Variants in PDS5A observed in about 807,000 individuals in gnomAD.
The protein encoded by PDS5A is sister chromatid cohesion protein PDS5 homolog A.
A neutral mutation model predicts 167.1 loss-of-function variants in PDS5A; 42 were observed. That is an observed-to-expected ratio of 0.25 (90% CI 0.20 to 0.33). The LOEUF (loss-of-function observed/expected upper bound fraction) is 0.33, where lower values mean the gene tolerates loss of function less well. Ranked by LOEUF, PDS5A falls within the 10% of genes least tolerant of loss-of-function variation. The pLI, the probability that PDS5A is intolerant of heterozygous loss-of-function variation, is 1.00. For missense variants in PDS5A, 1,033 were observed against 1,605.9 expected (o/e 0.64, Z 6.10); for synonymous variants, 553 against 554.6 (o/e 1.00, Z 0.04).
chr4:39,865,529 T>A (rs1021434676), intron 23 of PDS5A, among the ~76,000 whole-genome samples: 3 of 152,188 alleles, frequency 2.0e-5, no homozygotes, highest in Non-Finnish European at 4.4e-5. Flanking sequence ...CAATAATTTT[T>A]AAAAAAATTA....
intron 2 of PDS5A, among the ~76,000 whole-genome samples, chr4:39,951,352 C>A (rs1728337291): frequency 6.6e-6 from 1 of 152,136 alleles, no homozygotes; most frequent in Non-Finnish European, 1.5e-5. Context: ...AATTAAATAA[C>A]CATGTTTTAT....
chr4:39,930,246 A>AAAAGTTTTTT, intron 2 of PDS5A, among the ~76,000 whole-genome samples: 7 of 93,076 alleles, frequency 7.5e-5, no homozygotes, highest in Non-Finnish European at 1.3e-4. Flanking sequence ...AAAAAAAAAA[A>AAAAGTTTTTT]GTTTTTTTGT....
intron 10 of PDS5A, among the ~76,000 whole-genome samples, chr4:39,909,832 T>C (rs11944348): frequency 0.041 from 6,225 of 152,242 alleles, 402 homozygotes; most frequent in African/African-American, 0.14. Context: ...TATTATTAAA[T>C]GCCACTATAT....
At chr4:39,934,893 G>A (rs1317399947) in intron 2 of PDS5A, among the ~76,000 whole-genome samples, 1 of 151,240 alleles carries the variant, frequency 6.6e-6, no homozygotes, top group Non-Finnish European at 1.5e-5. Flanking sequence ...TTCCTTATGT[G>A]TTTTCAGCTG....
chr4:39,869,532 TTCATGTTGA>T, intron 21 of PDS5A, 70 bp from the exon 22 acceptor site: 1 of 911,326 alleles, frequency 1.1e-6, no homozygotes, highest in Non-Finnish European at 1.8e-6. Flanking sequence ...GATTAAGTTT[TTCATGTTGA>T]TCAACACAGC....
intron 32 of PDS5A, among the ~76,000 whole-genome samples, chr4:39,828,693 C>T (rs562466756): frequency 7.2e-5 from 11 of 152,246 alleles, no homozygotes; most frequent in African/African-American, 2.4e-4. Flanking sequence ...AATACAACTG[C>T]ACAAGCTTTC....
At chr4:39,858,155 A>G (rs1250545469) in intron 26 of PDS5A, among the ~76,000 whole-genome samples, 1 of 152,242 alleles carries the variant, frequency 6.6e-6, no homozygotes, top group African/African-American at 2.4e-5. Context: ...TAAGATAACA[A>G]TATCACCCAA....
chr4:39,913,852 CAT>C lies in PDS5A; in HGVS notation c.877-128_877-127del, dbSNP rs369911373. The C allele has an allele frequency of 5.1e-5, 32 of 632,132 alleles. No homozygotes were observed. In the African/African-American group the frequency reaches 5.1e-4, roughly 10 times the overall value. The allele number at this position is 632,132 out of a possible 1,614,324, so 39.2% of individuals were successfully genotyped here. On this transcript the variant is annotated intron_variant, in intron 8 of 32. Coordinates refer to ENST00000303538, the MANE Select transcript of PDS5A (RefSeq NM_001100399.2). ...TATAACTGTGAGAAGTTTAAAATAT[CAT>C]ATGTCCTCACTTACTATGCAGAAAT...
intron 2 of PDS5A, among the ~76,000 whole-genome samples, chr4:39,942,126 T>C (rs1052688086): frequency 1.3e-5 from 2 of 152,186 alleles, no homozygotes; most frequent in Middle Eastern, 3.4e-3. Flanking sequence ...GCATTCCTTA[T>C]GACATTTTAA....
At chr4:39,972,565 G>T (rs1730654727) in intron 2 of PDS5A, among the ~76,000 whole-genome samples, 1 of 151,458 alleles carries the variant, frequency 6.6e-6, no homozygotes, top group East Asian at 1.9e-4. Flanking sequence ...ATTGAGACAG[G>T]GTCTATGTTG....
intron 2 of PDS5A, among the ~76,000 whole-genome samples, chr4:39,946,942 C>A (rs891436921): frequency 6.6e-6 from 1 of 151,662 alleles, no homozygotes; most frequent in African/African-American, 2.4e-5. Context: ...TAAAACTGAT[C>A]ATAAAGGACT....
intron 2 of PDS5A, among the ~76,000 whole-genome samples, chr4:39,968,052 CTACA>C (rs1730151984): frequency 6.6e-6 from 1 of 152,156 alleles, no homozygotes; most frequent in Non-Finnish European, 1.5e-5. Flanking sequence ...ATAGGATATA[CTACA>C]TAACTAACTT....
At chr4:39,962,000 TC>T (rs1729519541) in intron 2 of PDS5A, among the ~76,000 whole-genome samples, 1 of 152,098 alleles carries the variant, frequency 6.6e-6, no homozygotes, top group Non-Finnish European at 1.5e-5. Context: ...TAAAATTCTA[TC>T]CCCATCCCTT....
intron 11 of PDS5A, among the ~76,000 whole-genome samples, chr4:39,905,146 A>G (rs1723223525): frequency 1.3e-5 from 2 of 152,196 alleles, no homozygotes; most frequent in African/African-American, 4.8e-5. Context: ...CTAAAATTGT[A>G]GTGAATCTAG....
intron 2 of PDS5A, among the ~76,000 whole-genome samples, chr4:39,967,605 C>T (rs1730105202): frequency 6.6e-6 from 1 of 151,888 alleles, no homozygotes; most frequent in Non-Finnish European, 1.5e-5. Context: ...CAAGATCGCG[C>T]CACTGCACTC....
At chr4:39,915,763 T>A (rs1724321240) in intron 8 of PDS5A, among the ~76,000 whole-genome samples, 1 of 152,176 alleles carries the variant, frequency 6.6e-6, no homozygotes, top group African/African-American at 2.4e-5. Context: ...ATGATTTACT[T>A]CTTAAAGAAA....
rs914842394 is a variant in PDS5A, at chr4:39,862,435, T to G, written c.2972-102A>C. 4 of 550,280 alleles carry G rather than the reference T, an allele frequency of 7.3e-6. No individual in the cohort carries two copies. In the African/African-American group the frequency reaches 7.7e-5, roughly 11 times the overall value. 34.1% of individuals were successfully genotyped at this position (550,280 alleles called of 1,614,324 possible). On this transcript the variant is annotated intron_variant, in intron 25 of 32. Transcript: ENST00000303538. ...TTTTTTCCCTCAGTTATTTCTAAAT[T>G]AGGCACAACATGATACCTGGATACT...
intron 7 of PDS5A, among the ~76,000 whole-genome samples, chr4:39,918,344 A>T (rs2109706507): frequency 7.4e-6 from 1 of 135,762 alleles, no homozygotes; most frequent in Admixed American, 7.2e-5. Context: ...AAAGTTGGTA[A>T]TACAAAAGCT....
At chr4:39,903,935 T>C (rs1181434676) in intron 12 of PDS5A, 105 bp downstream of exon 12, 1 of 550,498 alleles carries the variant, frequency 1.8e-6, no homozygotes, top group East Asian at 3.3e-5. Context: ...ATTTTATTTA[T>C]GAAGTAAATA....
Sources: allele counts gnomAD v4.1 joint callset (sites outside exome capture counted in the v4.1 genomes callset), GRCh38; gene constraint gnomAD v4.1.1; transcripts MANE v1.5; gene names NCBI Gene and HGNC (gene_info 2026-07-23, HGNC 2026-07-21).